The following ILRUN variants were observed in gnomAD, a reference collection of about 807,000 sequenced individuals.
ILRUN encodes protein ILRUN.
ILRUN carries 3 observed loss-of-function variants against 33.8 expected under a neutral mutation model. The ratio of observed to expected loss-of-function variants is 0.09; its 90% CI spans 0.04 to 0.23. The LOEUF is 0.23. Among genes scored for constraint, ILRUN ranks in the 10% least tolerant of loss-of-function variants. The probability of loss-of-function intolerance (pLI) is 1.00; values close to 1 mark genes in which losing one functional copy is unlikely to be tolerated. For synonymous variants in ILRUN, 124 were observed against 138.9 expected, an observed-to-expected ratio of 0.89 and a Z score of 0.75; for missense variants, 210 against 375.1, an observed-to-expected ratio of 0.56 and a Z score of 3.64.
chr6:34,681,457 G>T (rs1306001597), intron 1 of ILRUN, among the ~76,000 whole-genome samples: 2 of 152,102 alleles, frequency 1.3e-5, no homozygotes, highest in South Asian at 2.1e-4. Context: ...TGCACAAGGT[G>T]ATTTAGAAAG....
At chr6:34,621,654 T>G (rs1441121982) in intron 3 of ILRUN, among the ~76,000 whole-genome samples, 2 of 151,884 alleles carry the variant, frequency 1.3e-5, no homozygotes, top group Non-Finnish European at 2.9e-5. Context: ...AGATTAGGAG[T>G]TCGAGACCAG....
At chr6:34,655,282 C>G (rs1351872311) in intron 1 of ILRUN, among the ~76,000 whole-genome samples, 1 of 152,116 alleles carries the variant, frequency 6.6e-6, no homozygotes, top group Non-Finnish European at 1.5e-5. Flanking sequence ...CAGCCAGAAG[C>G]TTCACTTTTT....
intron 3 of ILRUN, chr6:34,616,809 A>T: frequency 1.4e-6 from 1 of 696,266 alleles, no homozygotes; most frequent in Middle Eastern, 3.0e-4. Context: ...AGAGGTATCA[A>T]TGGTGTGAAC....
rs1017218463 is a variant in ILRUN at position 34,669,494 on chromosome 6, C to T, written c.159-14715G>A. ...GCCCAAGAGAAACAGAGACAAACAC[C>T]CCTCCCACCAATTGCCAGCCAAAAG... On this transcript the variant is annotated intron_variant, in intron 1 of 4. Transcript: ENST00000374023. 2.0e-4 allele frequency among the ~76,000 whole-genome samples: 31 copies of T among 152,094 alleles called. 1 individual carries two copies. Among genetic ancestry groups the T allele is most frequent in the Admixed American group, 1.4e-3 (21 of 15,266 alleles).
Position 34,656,797 on chromosome 6 carries a change from A to G in ILRUN, c.159-2018T>C, listed in dbSNP as rs57827813. Among the ~76,000 whole-genome samples, 1,004 of 152,342 alleles carry G rather than the reference A, an allele frequency of 6.6e-3. 12 individuals are homozygous for G. Among genetic ancestry groups the G allele is most frequent in the African/African-American group, 0.021 (859 of 41,566 alleles). On this transcript the variant is annotated intron_variant, in intron 1 of 4. Coordinates refer to ENST00000374023, the MANE Select transcript of ILRUN (RefSeq NM_024294.4). Reference sequence around the variant, plus strand: ...GGTACCTGAGGTCAAGCCTCATGCAATGGTGGCCTGTCATATTAGTCAGTA... The same window carrying G: ...GGTACCTGAGGTCAAGCCTCATGCAGTGGTGGCCTGTCATATTAGTCAGTA...
At chr6:34,671,944 G>A (rs985118433) in intron 1 of ILRUN, 6 of 152,202 alleles carry the variant, frequency 3.9e-5, no homozygotes, top group African/African-American at 1.4e-4. Flanking sequence ...TACAAAAACA[G>A]GAGAGGTTAC....
intron 1 of ILRUN, among the ~76,000 whole-genome samples, chr6:34,674,801 C>G (rs1008471111): frequency 6.6e-6 from 1 of 152,090 alleles, no homozygotes; most frequent in African/African-American, 2.4e-5. Flanking sequence ...TAGCTCACAC[C>G]TGTAATCCCA....
chr6:34,655,215 G>T (rs755186315), intron 1 of ILRUN, among the ~76,000 whole-genome samples: 1 of 152,052 alleles, frequency 6.6e-6, no homozygotes, highest in Non-Finnish European at 1.5e-5. Flanking sequence ...GAGCTCAAGC[G>T]ATCCATCCAT....
chr6:34,621,440 CTGCAATGGAGGGAT>C (rs957495771), intron 3 of ILRUN, among the ~76,000 whole-genome samples: 50 of 152,338 alleles, frequency 3.3e-4, no homozygotes, highest in African/African-American at 9.1e-4. Flanking sequence ...AGAGATCCCT[CTGCAATGGAGGGAT>C]CAGGCTGTTA....
intron 3 of ILRUN, among the ~76,000 whole-genome samples, chr6:34,631,183 G>A (rs1361572863): frequency 6.6e-6 from 1 of 152,122 alleles, no homozygotes; most frequent in Non-Finnish European, 1.5e-5. Flanking sequence ...CCTGCTGAAA[G>A]GTAGACAGGA....
chr6:34,631,953 G>C (rs1315659018), intron 3 of ILRUN, among the ~76,000 whole-genome samples: 1 of 116,272 alleles, frequency 8.6e-6, no homozygotes, highest in Admixed American at 7.8e-5. Flanking sequence ...TAATCTAGTG[G>C]AATGGTATGA....
intron 1 of ILRUN, among the ~76,000 whole-genome samples, chr6:34,695,220 T>C (rs1763735432): frequency 6.6e-6 from 1 of 152,118 alleles, no homozygotes; most frequent in Non-Finnish European, 1.5e-5. Context: ...GGATAAGGAA[T>C]AAAAGAGAGG....
intron 3 of ILRUN, among the ~76,000 whole-genome samples, chr6:34,644,462 G>A (rs1762529948): frequency 6.6e-6 from 1 of 152,178 alleles, no homozygotes. Flanking sequence ...ACAAAGGAGT[G>A]AGAGGTGAAG....
At chr6:34,610,769 T>C (rs1002451048) in intron 3 of ILRUN, among the ~76,000 whole-genome samples, 2 of 152,244 alleles carry the variant, frequency 1.3e-5, no homozygotes, top group African/African-American at 4.8e-5. Flanking sequence ...AAGTACATGA[T>C]AGATTTGGCA....
At chr6:34,693,207 T>C (rs540381685) in intron 1 of ILRUN, among the ~76,000 whole-genome samples, 1 of 152,208 alleles carries the variant, frequency 6.6e-6, no homozygotes. Context: ...AGTTCACAAA[T>C]GATTTTTCAT....
chr6:34,677,825 T>G (rs1256130166), intron 1 of ILRUN, among the ~76,000 whole-genome samples: 1 of 151,812 alleles, frequency 6.6e-6, no homozygotes, highest in Non-Finnish European at 1.5e-5. Context: ...GGCACGTGCC[T>G]TTAATCCCAG....
At chr6:34,632,419 C>T (rs1016667397) in intron 3 of ILRUN, among the ~76,000 whole-genome samples, 10 of 151,644 alleles carry the variant, frequency 6.6e-5, no homozygotes, top group South Asian at 2.1e-4. Context: ...CCAGCCTGGG[C>T]GACAGAGCAA....
intron 1 of ILRUN, among the ~76,000 whole-genome samples, chr6:34,672,892 A>G (rs1763145708): frequency 6.6e-6 from 1 of 152,184 alleles, no homozygotes; most frequent in Non-Finnish European, 1.5e-5. Flanking sequence ...AAGCTGAACA[A>G]AATATAAGAA....
At chr6:34,686,291 G>C (rs1390739542) in intron 1 of ILRUN, among the ~76,000 whole-genome samples, 2 of 151,998 alleles carry the variant, frequency 1.3e-5, no homozygotes, top group Non-Finnish European at 2.9e-5. Context: ...ATGAGGTCAG[G>C]AGATCGAGAC....
Sources: gnomAD v4.1 joint callset for allele counts (sites outside exome capture counted in the v4.1 genomes callset) on GRCh38, gnomAD v4.1.1 for gene constraint, MANE v1.5 for transcripts, NCBI Gene and HGNC (gene_info 2026-07-23, HGNC 2026-07-21) for gene names.